Variants in SMAD1 observed in about 807,000 individuals in gnomAD.
SMAD1 encodes SMAD family member 1, also known as MAD, mothers against decapentaplegic homolog 1.
A neutral mutation model predicts 41.6 loss-of-function variants in SMAD1; 6 were observed. The observed-to-expected ratio is 0.14, with a 90% CI of 0.08 to 0.28. SMAD1 has a LOEUF of 0.28. Ranked by LOEUF, SMAD1 falls within the 10% of genes least tolerant of loss-of-function variation. The pLI is 1.00. For synonymous variants in SMAD1, 206 were observed against 203.2 expected (o/e 1.01, Z -0.12); for missense variants, 379 against 582.6 (o/e 0.65, Z 3.60).
intron 4 of SMAD1, 61 bp downstream of exon 4, chr4:145,542,759 T>G: frequency 8.8e-7 from 1 of 1,135,920 alleles, no homozygotes; most frequent in Non-Finnish European, 1.3e-6. Context: ...GATGTTACTT[T>G]CTCTCACAAA....
In SMAD1 at chr4:145,511,873, T is replaced by C. The variant is rs552922055; in HGVS notation, c.-176-2565T>C. The stretch of plus-strand genomic sequence containing the variant: ...AGGAGCTCTTCCTCATTTCCTGCAG[T>C]TCTTTGCTTATTTCTAGAGTCTTTT... On this transcript the variant is annotated intron_variant, in intron 1 of 6. Transcript: ENST00000302085. Among the ~76,000 whole-genome samples the C allele has an allele frequency of 2.6e-5, 4 of 152,328 alleles. No homozygotes were observed. The East Asian group carries it at 7.7e-4, about 29-fold the overall frequency.
At position 145,543,367 on chromosome 4, in the gene SMAD1, G is replaced by C. The variant is rs541078379; in HGVS notation, c.775+669G>C. On this transcript the variant is annotated intron_variant, in intron 4 of 6. Coordinates refer to ENST00000302085, the MANE Select transcript of SMAD1 (RefSeq NM_005900.3). ...TGGTGATTTCCAAAGTTGGAAGTTG[G>C]TATAACTGGGCTGTCCAAAGGCTTT... Among the ~76,000 whole-genome samples the C allele has an allele frequency of 3.9e-5, 6 of 152,278 alleles. No homozygotes were observed. The South Asian group carries it at 1.2e-3, about 32-fold the overall frequency.
intron 5 of SMAD1, among the ~76,000 whole-genome samples, 168 bp from the exon 6 acceptor site, chr4:145,553,616 A>T (rs746730295): frequency 5.3e-5 from 8 of 152,188 alleles, no homozygotes; most frequent in Non-Finnish European, 1.0e-4. Flanking sequence ...ATACTGGTCC[A>T]TGGCCCCGGG....
At chr4:145,537,337 CAGA>C (rs1731665501) in intron 2 of SMAD1, among the ~76,000 whole-genome samples, 2 of 152,014 alleles carry the variant, frequency 1.3e-5, no homozygotes, top group Non-Finnish European at 1.5e-5. Flanking sequence ...TCAGATAATT[CAGA>C]AGAAGTGTAT....
rs1172900608 is a variant in SMAD1, at chr4:145,482,763, C to T, written c.-177+725C>T. ...TCTTCCGCCTACACCCGCTGCGTCT[C>T]CTGGTGTCTCGTTCCTTTCCCTTTA... On this transcript the variant is annotated intron_variant, in intron 1 of 6. Coordinates refer to ENST00000302085, the MANE Select transcript of SMAD1 (RefSeq NM_005900.3). This position sits in a 1 kb window ranked among gnomAD's most constrained non-coding sequence, Gnocchi z 4.2. 9.2e-5 allele frequency: 14 copies of T among 152,284 alleles called. No individual in the cohort carries two copies. The highest frequency in any genetic ancestry group is 7.9e-4 in the Admixed American group (12 of 15,282). The allele number at this position is 152,284 out of a possible 1,614,324, so 9.4% of individuals were successfully genotyped here. A position where few individuals can be genotyped will look rare whatever the true frequency, so the allele number is the denominator to read the frequency against.
chr4:145,481,110 C>A (rs1023727923), upstream of SMAD1: 6 of 151,946 alleles, frequency 3.9e-5, no homozygotes, highest in African/African-American at 1.5e-4. Context: ...GAGTTAAGTG[C>A]GGGGGAGTTG....
chr4:145,538,992 G>T (rs756315314), intron 2 of SMAD1, among the ~76,000 whole-genome samples: 1 of 152,148 alleles, frequency 6.6e-6, no homozygotes, highest in African/African-American at 2.4e-5. Context: ...GCTTCCTAAT[G>T]TAGAACATTT....
chr4:145,521,488 G>A (rs1361652370), intron 2 of SMAD1, among the ~76,000 whole-genome samples: 1 of 152,102 alleles, frequency 6.6e-6, no homozygotes, highest in African/African-American at 2.4e-5. Context: ...CAGCATGATG[G>A]CTGCCAGCTG....
intron 2 of SMAD1, among the ~76,000 whole-genome samples, chr4:145,523,824 C>T (rs1323074505): frequency 2.0e-5 from 3 of 152,184 alleles, no homozygotes; most frequent in African/African-American, 4.8e-5. Context: ...TGCCCTCTGG[C>T]TTTTGCAGTT....
chr4:145,538,915 T>C (rs1037968668), intron 2 of SMAD1, among the ~76,000 whole-genome samples: 2 of 152,150 alleles, frequency 1.3e-5, no homozygotes, highest in Admixed American at 6.5e-5. Context: ...AGGATAATTA[T>C]ATTTATAGTG....
At chr4:145,525,209 GA>G (rs1468197384) in intron 2 of SMAD1, among the ~76,000 whole-genome samples, 1 of 152,218 alleles carries the variant, frequency 6.6e-6, no homozygotes, top group Non-Finnish European at 1.5e-5. Context: ...ACAGACCAGA[GA>G]TTGCTTTCTC....
chr4:145,543,645 G>A (rs552134640), intron 4 of SMAD1, among the ~76,000 whole-genome samples: 4 of 152,266 alleles, frequency 2.6e-5, no homozygotes, highest in African/African-American at 4.8e-5. Context: ...AGCAGTGACC[G>A]AGTGGAGGAT....
chr4:145,519,730 A>G (rs969522444), intron 2 of SMAD1, among the ~76,000 whole-genome samples: 2 of 152,008 alleles, frequency 1.3e-5, no homozygotes, highest in Non-Finnish European at 2.9e-5. Flanking sequence ...ATGCTGTGCA[A>G]TAGATCACCA....
At chr4:145,503,523 G>A (rs1729586905) in intron 1 of SMAD1, among the ~76,000 whole-genome samples, 1 of 152,014 alleles carries the variant, frequency 6.6e-6, no homozygotes, top group Non-Finnish European at 1.5e-5. Flanking sequence ...GTTTTATTTA[G>A]CTAAATTTGA....
At chr4:145,527,324 C>T (rs1731072216) in intron 2 of SMAD1, among the ~76,000 whole-genome samples, 2 of 151,392 alleles carry the variant, frequency 1.3e-5, no homozygotes, top group African/African-American at 2.4e-5. Flanking sequence ...CCCGGGTTCA[C>T]GCCATTCTCC....
intron 2 of SMAD1, among the ~76,000 whole-genome samples, chr4:145,520,331 A>T (rs1730671085): frequency 6.6e-6 from 1 of 152,226 alleles, no homozygotes; most frequent in African/African-American, 2.4e-5. Context: ...TCTTCAGTGG[A>T]TGAATGTGTA....
chr4:145,542,618 A>T lies in SMAD1; in HGVS notation c.695A>T (p.Asp232Val). 7 of 1,610,934 alleles carry T rather than the reference A, an allele frequency of 4.3e-6. No homozygotes were observed. The highest frequency in any genetic ancestry group is 5.9e-6 in the Non-Finnish European group (7 of 1,178,794). Reference sequence around the variant, plus strand: ...CCACCTGCTTACCTGCCTCCTGAAGACCCCATGACCCAGGATGGCTCTCAG... The same window carrying T: ...CCACCTGCTTACCTGCCTCCTGAAGTCCCCATGACCCAGGATGGCTCTCAG... ...TPPPAYLPPE[D>V]PMTQDGSQPM... The change falls in exon 4 of 7, where the codon GAC (aspartate) becomes GTC (valine). Residue 232 changes from aspartate (D) to valine (V), a missense_variant. Asp to Val is a radical substitution (Grantham distance 152, BLOSUM62 -3). Transcript: ENST00000302085.
rs13118865 is a variant in SMAD1 at position 145,482,496 on chromosome 4, C to T, written c.-177+458C>T. The T allele has an allele frequency of 0.34, 51,120 of 151,812 alleles. 10,827 individuals carry two copies. The highest frequency in any genetic ancestry group is 0.49 in the Non-Finnish European group (32,973 of 67,850). The allele number at this position is 151,812 out of a possible 1,614,324, so 9.4% of individuals were successfully genotyped here. A position where few individuals can be genotyped will look rare whatever the true frequency, so the allele number is the denominator to read the frequency against. On this transcript the variant is annotated intron_variant, in intron 1 of 6. Coordinates refer to ENST00000302085, the MANE Select transcript of SMAD1 (RefSeq NM_005900.3). This position sits in a 1 kb window ranked among gnomAD's most constrained non-coding sequence, Gnocchi z 4.2. Reference sequence around the variant, plus strand: ...GTGGCCCGCGGACCCATTGTGTCCCCCGCGCCGGCGGGGCGACCCCTGCGG... The same window carrying T: ...GTGGCCCGCGGACCCATTGTGTCCCTCGCGCCGGCGGGGCGACCCCTGCGG...
In SMAD1 at chr4:145,514,524, T is replaced by G; in HGVS notation, c.-90T>G. On this transcript the variant is annotated 5_prime_UTR_variant, in exon 2 of 7. Coordinates refer to ENST00000302085, the MANE Select transcript of SMAD1 (RefSeq NM_005900.3). The surrounding 1 kb of genome is among the most constrained non-coding windows in gnomAD (Gnocchi z 4.7). ...AACTAAGAAGTTAAAGAGACTTCTC[T>G]GTAAATAAACAAATCTCTTCTGCTG... 3 of 1,256,226 alleles carry G rather than the reference T, an allele frequency of 2.4e-6. No homozygotes were observed. Among genetic ancestry groups the G allele is most frequent in the Non-Finnish European group, 3.3e-6 (3 of 908,430 alleles). The allele number at this position is 1,256,226 out of a possible 1,614,324, so 77.8% of individuals were successfully genotyped here.
Sources: gnomAD v4.1 joint callset for allele counts (sites outside exome capture counted in the v4.1 genomes callset) on GRCh38, gnomAD v4.1.1 for gene constraint, Gnocchi (gnomAD v3.1) non-coding constraint, MANE v1.5 for transcripts, NCBI Gene and HGNC (gene_info 2026-07-23, HGNC 2026-07-21) for gene names.